Variants in SF3A2 observed in about 807,000 individuals in gnomAD.
SF3A2 encodes SAP 62.
Under a neutral mutation model 31.1 loss-of-function variants are expected in SF3A2, and 5 were observed. The ratio of observed to expected loss-of-function variants is 0.16; its 90% CI spans 0.08 to 0.34. The LOEUF (loss-of-function observed/expected upper bound fraction) is 0.34, where lower values mean the gene tolerates loss of function less well. SF3A2 is among the 10% of genes least tolerant of loss of function. SF3A2 has a pLI of 1.00. For missense variants in SF3A2, 577 were observed against 643.9 expected (o/e 0.90, Z 1.13); for synonymous variants, 365 against 263.7 (o/e 1.38, Z -3.72).
At position 2,246,228 on chromosome 19, in the gene SF3A2, A is replaced by G. The variant is rs1303844314; in HGVS notation, c.356-525A>G. Among the ~76,000 whole-genome samples, 1 of 151,978 alleles carries G rather than the reference A, an allele frequency of 6.6e-6. No homozygotes were observed. The highest frequency in any genetic ancestry group is 1.5e-5 in the Non-Finnish European group (1 of 67,964). ...CCTGACAGGTCCTGGGCTTGGGCTC[A>G]GGACGGTGAGGCGGCAGAGGGCTTG... On this transcript the variant is annotated intron_variant, in intron 5 of 8. Coordinates refer to ENST00000221494, the MANE Select transcript of SF3A2 (RefSeq NM_007165.5). This position sits in a 1 kb window ranked among gnomAD's most constrained non-coding sequence, Gnocchi z 5.5.
chr19:2,239,320 G>A (rs1301656096), intron 1 of SF3A2, among the ~76,000 whole-genome samples: 2 of 145,528 alleles, frequency 1.4e-5, no homozygotes, highest in Non-Finnish European at 3.0e-5. Context: ...AGCCAAGATC[G>A]AGCTACTGCC....
At chr19:2,244,848 G>T (rs751973633) in intron 4 of SF3A2, 69 bp downstream of exon 4, 8 of 1,437,056 alleles carry the variant, frequency 5.6e-6, no homozygotes, top group Non-Finnish European at 7.7e-6. Flanking sequence ...TGTGAGCCTC[G>T]CGGGCCACTG....
chr19:2,244,720 C>T lies in SF3A2; in HGVS notation c.199-13C>T, dbSNP rs538341723. ...CCCGGCCTCGAGTCATGCGTGTTTC[C>T]TTTCCACTCCAGGGGAGCTACCTGG... On this transcript the variant is annotated splice_polypyrimidine_tract_variant and intron_variant, in intron 3 of 8. Coordinates refer to ENST00000221494, the MANE Select transcript of SF3A2 (RefSeq NM_007165.5). 3.7e-6 allele frequency: 6 copies of T among 1,614,066 alleles called. No individual in the cohort carries two copies. In the East Asian group the frequency reaches 1.1e-4, roughly 30 times the overall value.
Position 2,243,549 on chromosome 19 carries a change from G to T in SF3A2, c.126+5G>T. The T allele has an allele frequency of 6.5e-7, 1 of 1,541,000 alleles. No homozygotes were observed. Among genetic ancestry groups the T allele is most frequent in the East Asian group, 2.6e-5 (1 of 38,218 alleles). ...GAGACCATCGACATCAACAAGGTGG[G>T]CCAGCCACCGTGCAGCTGCCTGTGG... On this transcript the variant is annotated splice_donor_5th_base_variant and intron_variant, in intron 2 of 8. Coordinates refer to ENST00000221494, the MANE Select transcript of SF3A2 (RefSeq NM_007165.5).
intron 1 of SF3A2, among the ~76,000 whole-genome samples, chr19:2,242,220 C>G (rs1185454024): frequency 6.8e-6 from 1 of 146,970 alleles, no homozygotes; most frequent in Non-Finnish European, 1.5e-5. Context: ...CCCCTGCACA[C>G]CTGCAGACAC....
At chr19:2,244,988 C>G in intron 4 of SF3A2, 3 of 587,012 alleles carry the variant, frequency 5.1e-6, no homozygotes, top group Non-Finnish European at 9.1e-6. Context: ...AGTTCGAGAC[C>G]AGCCTGGCCA....
intron 1 of SF3A2, 33 bp from the exon 2 acceptor site, chr19:2,243,342 TTCTGAGC>T: frequency 6.9e-7 from 1 of 1,441,306 alleles, no homozygotes; most frequent in South Asian, 1.5e-5. Flanking sequence ...CAGCCCCGAG[TTCTGAGC>T]CATCTTCCTC....
intron 1 of SF3A2, among the ~76,000 whole-genome samples, chr19:2,239,216 T>A (rs550224607): frequency 1.3e-5 from 2 of 152,042 alleles, no homozygotes; most frequent in Middle Eastern, 3.2e-3. Context: ...AATATAAAAA[T>A]TTGCCAGGCG....
rs992771423 is a variant in SF3A2 at position 2,245,926 on chromosome 19, C to T, written c.355+371C>T. On this transcript the variant is annotated intron_variant, in intron 5 of 8. Transcript: ENST00000221494. This position sits in a 1 kb window ranked among gnomAD's most constrained non-coding sequence, Gnocchi z 4.2. ...GCCTTTGAAGGAGGACAGGGAGAAG[C>T]GGCTGTTAGAGGCAGCTCCTCCCGG... The T allele has an allele frequency of 2.0e-5, 5 of 253,520 alleles. No individual in the cohort carries two copies. The highest frequency in any genetic ancestry group is 2.0e-4 in the East Asian group (2 of 9,878). The allele number at this position is 253,520 out of a possible 1,614,324, so 15.7% of individuals were successfully genotyped here.
Position 2,246,494 on chromosome 19 carries a change from G to A in SF3A2, c.356-259G>A, listed in dbSNP as rs2024934256. 6.6e-6 allele frequency among the ~76,000 whole-genome samples: 1 copy of A among 152,090 alleles called. No homozygotes were observed. ...TGGTATCCCAGCACCCCTGGTGAAG[G>A]GCTCTGGGGATTGGGACAAAGGAGC... On this transcript the variant is annotated intron_variant, in intron 5 of 8. Coordinates refer to ENST00000221494, the MANE Select transcript of SF3A2 (RefSeq NM_007165.5). The surrounding 1 kb of genome is among the most constrained non-coding windows in gnomAD (Gnocchi z 5.5).
At chr19:2,239,372 AAAAGAG>A (rs1599650612) in intron 1 of SF3A2, among the ~76,000 whole-genome samples, 1 of 150,796 alleles carries the variant, frequency 6.6e-6, no homozygotes, top group South Asian at 2.1e-4. Context: ...AAAAAAAAAA[AAAAGAG>A]AGAGAAAAAA....
rs1407718357 is a variant in SF3A2 at position 2,247,831 on chromosome 19, C to T, written c.680C>T (p.Pro227Leu). 5 of 1,596,956 alleles carry T rather than the reference C, an allele frequency of 3.1e-6. No homozygotes were observed. Among genetic ancestry groups the T allele is most frequent in the Non-Finnish European group, 3.4e-6 (4 of 1,169,298 alleles). ...PPAPPSLPAG[P>L]PGVKRPPPPL... ...GCTCCACCCAGCCTCCCTGCTGGCC[C>T]CCCTGGGGTGAAGCGGCCTCCACCC... Residue 227 changes from proline to leucine, a missense_variant, in exon 9 of 9, where the codon CCC (proline) becomes CTC (leucine). By Grantham distance (98) the Pro-to-Leu change is moderately conservative (BLOSUM62 -3). Transcript: ENST00000221494.
chr19:2,247,262 C>T (rs2024946357), intron 7 of SF3A2: 1 of 543,194 alleles, frequency 1.8e-6, no homozygotes. Flanking sequence ...AGCGCCAGGC[C>T]TGTGAGGCCT....
intron 2 of SF3A2, 90 bp downstream of exon 2, chr19:2,243,634 C>T (rs2024908707): frequency 7.2e-7 from 1 of 1,386,322 alleles, no homozygotes; most frequent in South Asian, 1.6e-5. Flanking sequence ...TCTTGGGCCT[C>T]CGCCCAGGCT....
chr19:2,247,889 G>T lies in SF3A2; in HGVS notation c.738G>T (p.Pro246=). ...TGAACGGTCTGCCCCCTCGGCCACC[G>T]CTGCCTGAGTCTTTGCCACCGCCCC... is the stretch of plus-strand genomic sequence containing the variant. ...PLMNGLPPRP[P]LPESLPPPPP... The change falls in exon 9 of 9, where the codon CCG becomes CCT. Residue 246 remains proline, a synonymous_variant. Transcript: ENST00000221494. The T allele has an allele frequency of 6.4e-7, 1 of 1,566,058 alleles. No individual in the cohort carries two copies.
intron 2 of SF3A2, 127 bp downstream of exon 2, chr19:2,243,671 C>A: frequency 8.8e-7 from 1 of 1,141,604 alleles, no homozygotes; most frequent in Non-Finnish European, 1.2e-6. Flanking sequence ...TGTCCAGACG[C>A]TCCCCTGTTG....
In SF3A2 at chr19:2,247,941, A is replaced by T; in HGVS notation, c.790A>T (p.Met264Leu). 6.9e-7 allele frequency: 1 copy of T among 1,454,200 alleles called. No homozygotes were observed. The highest frequency in any genetic ancestry group is 9.3e-7 in the Non-Finnish European group (1 of 1,073,344). 90.1% of individuals were successfully genotyped at this position (1,454,200 alleles called of 1,614,324 possible). Residue 264 changes from methionine to leucine, a missense_variant, in exon 9 of 9, where the codon ATG (methionine) becomes TTG (leucine). Transcript: ENST00000221494. Reference protein sequence around the residue: ...PPPGGLPLPPMPPTGPAPSGP... With the variant: ...PPPGGLPLPPLPPTGPAPSGP... The stretch of plus-strand genomic sequence containing the variant: ...GCCAGGAGGCCTGCCTCTGCCACCC[A>T]TGCCCCCCACAGGGCCTGCGCCCTC...
chr19:2,244,665 A>T (rs377114818), intron 3 of SF3A2, 50 bp downstream of exon 3: 2 of 1,611,208 alleles, frequency 1.2e-6, no homozygotes, highest in South Asian at 2.2e-5. Context: ...TGAGTGGCTG[A>T]CGTCAGGGGG....
In SF3A2 at chr19:2,245,914, G is replaced by A. The variant is rs1490873220; in HGVS notation, c.355+359G>A. ...GTTAACCTTGAAGCCTTTGAAGGAG[G>A]ACAGGGAGAAGCGGCTGTTAGAGGC... On this transcript the variant is annotated intron_variant, in intron 5 of 8. Transcript: ENST00000221494. This position sits in a 1 kb window ranked among gnomAD's most constrained non-coding sequence, Gnocchi z 4.2. 10 of 276,060 alleles carry A rather than the reference G, an allele frequency of 3.6e-5. No individual in the cohort carries two copies. Among genetic ancestry groups the A allele is most frequent in the Non-Finnish European group, 4.9e-5 (7 of 143,694 alleles). 17.1% of individuals were successfully genotyped at this position (276,060 alleles called of 1,614,324 possible).
Sources: allele counts gnomAD v4.1 joint callset (sites outside exome capture counted in the v4.1 genomes callset), GRCh38; gene constraint gnomAD v4.1.1; non-coding constraint Gnocchi (gnomAD v3.1); transcripts MANE v1.5; gene names NCBI Gene and HGNC (gene_info 2026-07-23, HGNC 2026-07-21).